The following COL5A2 variants were observed in gnomAD, a reference collection of about 807,000 sequenced individuals.
COL5A2 encodes the protein collagen alpha-2(V) chain.
COL5A2 carries 23 observed loss-of-function variants against 208.2 expected under a neutral mutation model. The ratio of observed to expected loss-of-function variants is 0.11; its 90% CI spans 0.08 to 0.16. The LOEUF is 0.16. COL5A2 is among the 10% of genes least tolerant of loss of function. COL5A2 has a pLI of 1.00. For synonymous variants in COL5A2, 625 were observed against 628.5 expected (o/e 0.99, Z 0.08); for missense variants, 1,590 against 1,956.4 (o/e 0.81, Z 3.53).
chr2:189,250,484 T>C, the COL5A2 span, among the ~76,000 whole-genome samples: 1 of 152,204 alleles, frequency 6.6e-6, no homozygotes, highest in Non-Finnish European at 1.5e-5. Context: ...CCAAACAATC[T>C]GGAGTCACTT....
At chr2:189,393,295 A>T in the COL5A2 span, among the ~76,000 whole-genome samples, 1 of 152,104 alleles carries the variant, frequency 6.6e-6, no homozygotes, top group Non-Finnish European at 1.5e-5. Flanking sequence ...TTATTCTTTT[A>T]AAAAAATAAG....
At chr2:189,226,384 C>T (rs1689419091), upstream of COL5A2, among the ~76,000 whole-genome samples, 1 of 151,964 alleles carries the variant, frequency 6.6e-6, no homozygotes, top group Non-Finnish European at 1.5e-5. Context: ...ATGAGAAATC[C>T]CAAAACCAGT....
chr2:189,035,213 C>T (rs898048590), intron 52 of COL5A2, 58 bp from the exon 53 acceptor site: 18 of 1,599,566 alleles, frequency 1.1e-5, no homozygotes, highest in Admixed American at 1.7e-5. Context: ...TAATGCCTTA[C>T]ACATGTATAG....
chr2:189,125,430 T>C (rs1687588774), intron 1 of COL5A2, among the ~76,000 whole-genome samples: 1 of 152,150 alleles, frequency 6.6e-6, no homozygotes, highest in South Asian at 2.1e-4. Flanking sequence ...CAGTTGAATC[T>C]TGAGCAACAC....
At chr2:189,302,491 AT>A in the COL5A2 span, among the ~76,000 whole-genome samples, 1 of 151,872 alleles carries the variant, frequency 6.6e-6, no homozygotes, top group Non-Finnish European at 1.5e-5. Context: ...CTCTCTTCCT[AT>A]TTTCTTATAG....
chr2:189,041,538 GC>G (rs1380244052), intron 50 of COL5A2, 47 bp downstream of exon 50: 1 of 1,394,728 alleles, frequency 7.2e-7, no homozygotes, highest in Non-Finnish European at 1.0e-6. Context: ...CGGAATCTGA[GC>G]TATTGAATAA....
At chr2:189,081,835 T>G (rs2105639715) in intron 12 of COL5A2, among the ~76,000 whole-genome samples, 1 of 152,296 alleles carries the variant, frequency 6.6e-6, no homozygotes, top group East Asian at 1.9e-4. Context: ...AAATGATGCT[T>G]GAAACTTTTT....
chr2:189,237,403 C>CAA, the COL5A2 span, among the ~76,000 whole-genome samples: 272 of 148,860 alleles, frequency 1.8e-3, no homozygotes, highest in Non-Finnish European at 2.8e-3. Flanking sequence ...ACAATAACAG[C>CAA]AAAAAAAAAG....
chr2:189,396,265 A>G, the COL5A2 span, among the ~76,000 whole-genome samples: 2 of 152,212 alleles, frequency 1.3e-5, no homozygotes, highest in African/African-American at 2.4e-5. Context: ...TCAATTCTGT[A>G]CCCCAAAGGG....
chr2:189,072,644 C>T (rs938447220), intron 17 of COL5A2, among the ~76,000 whole-genome samples: 8 of 151,290 alleles, frequency 5.3e-5, no homozygotes, highest in Non-Finnish European at 1.0e-4. Flanking sequence ...TAGTGGCTGG[C>T]GCCTATAATC....
the COL5A2 span, among the ~76,000 whole-genome samples, chr2:189,295,925 A>G: frequency 4.6e-5 from 7 of 152,206 alleles, no homozygotes; most frequent in East Asian, 1.2e-3. Context: ...TTTTTATTCA[A>G]CAGTTTGATG....
chr2:189,272,368 G>T, the COL5A2 span, among the ~76,000 whole-genome samples: 2 of 152,164 alleles, frequency 1.3e-5, no homozygotes, highest in African/African-American at 4.8e-5. Context: ...GCAGGGCCAT[G>T]AATGAAGCTG....
intron 1 of COL5A2, among the ~76,000 whole-genome samples, chr2:189,139,239 C>T (rs183321829): frequency 5.9e-5 from 9 of 152,292 alleles, no homozygotes; most frequent in African/African-American, 2.2e-4. Flanking sequence ...CACGCCATTG[C>T]ACTCCAGCCT....
At chr2:189,320,742 T>A in the COL5A2 span, among the ~76,000 whole-genome samples, 2 of 152,260 alleles carry the variant, frequency 1.3e-5, no homozygotes, top group Admixed American at 1.3e-4. Context: ...AAAACATTCT[T>A]CAGGTTATTA....
At chr2:189,298,557 G>A in the COL5A2 span, among the ~76,000 whole-genome samples, 1 of 152,158 alleles carries the variant, frequency 6.6e-6, no homozygotes, top group African/African-American at 2.4e-5. Flanking sequence ...CAGATGGTGG[G>A]AGTGCAGTCT....
At chr2:189,398,509 T>C in the COL5A2 span, among the ~76,000 whole-genome samples, 1 of 152,144 alleles carries the variant, frequency 6.6e-6, no homozygotes, top group African/African-American at 2.4e-5. Flanking sequence ...TTACCATTAT[T>C]ACTTATCTCT....
chr2:189,228,940 T>G (rs1044177657), upstream of COL5A2, among the ~76,000 whole-genome samples: 1 of 151,756 alleles, frequency 6.6e-6, no homozygotes, highest in African/African-American at 2.4e-5. Flanking sequence ...AATTCAACAG[T>G]GTATTAAAAG....
At chr2:189,190,454 C>T (rs533931057) in intron 1 of COL5A2, among the ~76,000 whole-genome samples, 28 of 152,212 alleles carry the variant, frequency 1.8e-4, no homozygotes, top group East Asian at 1.3e-3. Flanking sequence ...TTAGAGCATT[C>T]GGCAATTTAT....
chr2:189,190,979 A>G (rs1366757040), intron 1 of COL5A2, among the ~76,000 whole-genome samples: 2 of 152,156 alleles, frequency 1.3e-5, no homozygotes, highest in African/African-American at 4.8e-5. Context: ...GTTCTATTAT[A>G]CAAACACACA....
Sources: allele counts gnomAD v4.1 joint callset (sites outside exome capture counted in the v4.1 genomes callset), GRCh38; gene constraint gnomAD v4.1.1; transcripts MANE v1.5; gene names NCBI Gene and HGNC (gene_info 2026-07-23, HGNC 2026-07-21).